The following KIAA1671 variants were observed in gnomAD, a reference collection of about 807,000 sequenced individuals.
KIAA1671 encodes uncharacterized protein KIAA1671.
KIAA1671 carries 52 observed loss-of-function variants against 131.2 expected under a neutral mutation model. The ratio of observed to expected loss-of-function variants is 0.40; its 90% confidence interval spans 0.32 to 0.50. The LOEUF (loss-of-function observed/expected upper bound fraction) is 0.50. Among genes scored for constraint, KIAA1671 ranks in the 20% least tolerant of loss-of-function variants. KIAA1671 has a pLI of 0.73. For missense variants in KIAA1671, 2,360 were observed against 2,364.2 expected, an observed-to-expected ratio of 1.00 and a Z score of 0.04; for synonymous variants, 1,003 against 961.6, an observed-to-expected ratio of 1.04 and a Z score of -0.80.
At chr22:25,081,378 C>T (rs1483853262) in intron 6 of KIAA1671, among the ~76,000 whole-genome samples, 1 of 152,190 alleles carries the variant, frequency 6.6e-6, no homozygotes, top group Non-Finnish European at 1.5e-5. Context: ...TGTCTCTGAT[C>T]TTGTGTCTCA....
intron 6 of KIAA1671, among the ~76,000 whole-genome samples, chr22:25,163,654 A>G (rs1428710889): frequency 6.6e-6 from 1 of 151,264 alleles, no homozygotes; most frequent in East Asian, 2.0e-4. Context: ...GTTGGCTGGG[A>G]TGGTCTCGAT....
intron 1 of KIAA1671, among the ~76,000 whole-genome samples, chr22:24,969,451 C>CAAA (rs368650335): frequency 6.7e-6 from 1 of 150,272 alleles, no homozygotes; most frequent in Non-Finnish European, 1.5e-5. Context: ...GGAATAATGA[C>CAAA]AAAAAAAAAC....
chr22:25,093,595 G>A (rs1930127782), intron 6 of KIAA1671, among the ~76,000 whole-genome samples: 1 of 151,808 alleles, frequency 6.6e-6, no homozygotes, highest in East Asian at 1.9e-4. Context: ...AACACTTGGT[G>A]GGGAGCGGGG....
chr22:25,072,207 T>A (rs1193619543), intron 6 of KIAA1671, among the ~76,000 whole-genome samples: 1 of 152,150 alleles, frequency 6.6e-6, no homozygotes, highest in Non-Finnish European at 1.5e-5. Context: ...CAGTAGAGGC[T>A]GGGCAGTAAT....
chr22:25,105,010 T>C (rs1930917076), intron 6 of KIAA1671, among the ~76,000 whole-genome samples: 1 of 151,622 alleles, frequency 6.6e-6, no homozygotes. Flanking sequence ...CTTCTTTCTC[T>C]TTCTTTCTTT....
intron 6 of KIAA1671, among the ~76,000 whole-genome samples, chr22:25,121,617 T>C (rs1931949070): frequency 6.6e-6 from 1 of 152,208 alleles, no homozygotes; most frequent in Admixed American, 6.5e-5. Context: ...AATTTGGTGG[T>C]ATAAATACTC....
chr22:25,046,579 A>T (rs1306645435), intron 5 of KIAA1671, among the ~76,000 whole-genome samples: 2 of 152,350 alleles, frequency 1.3e-5, no homozygotes, highest in African/African-American at 4.8e-5. Flanking sequence ...AAAAATACTT[A>T]AAAAACATTC....
At chr22:25,091,347 C>G (rs546237565) in intron 6 of KIAA1671, among the ~76,000 whole-genome samples, 3 of 152,114 alleles carry the variant, frequency 2.0e-5, no homozygotes, top group Non-Finnish European at 2.9e-5. Context: ...CATGAGCCAC[C>G]GTACCTGGCC....
chr22:25,004,801 C>T (rs1447806566), intron 1 of KIAA1671, among the ~76,000 whole-genome samples: 1 of 151,458 alleles, frequency 6.6e-6, no homozygotes. Flanking sequence ...AAAAAATTAG[C>T]CGGGCGTGGT....
chr22:25,188,659 A>G (rs897947674), intron 11 of KIAA1671, among the ~76,000 whole-genome samples: 1 of 152,170 alleles, frequency 6.6e-6, no homozygotes, highest in African/African-American at 2.4e-5. Flanking sequence ...TGTATGTTAT[A>G]TTTTATATAT....
intron 9 of KIAA1671, chr22:25,179,248 G>A: frequency 1.3e-6 from 2 of 1,526,384 alleles, no homozygotes. Context: ...AGAGGTGAAC[G>A]AAACAAAACC....
rs764725081 is a variant in KIAA1671, at chr22:24,984,123, G to GTT, written c.-208+31351_-208+31352insTT. Among the ~76,000 whole-genome samples the GTT allele has an allele frequency of 2.8e-3, 428 of 152,270 alleles. 1 individual carries two copies. Among genetic ancestry groups the GTT allele is most frequent in the Non-Finnish European group, 4.8e-3 (326 of 68,030 alleles). On this transcript the variant is annotated intron_variant, in intron 1 of 12. Transcript: ENST00000358431. ...AATGCCTCTCAGGGGCTTAAGCAGG[G>GTT]ACATTATGTGGTTGCATTCCCTTTT...
chr22:25,011,545 C>A (rs1267664271), intron 1 of KIAA1671: 1 of 152,176 alleles, frequency 6.6e-6, no homozygotes, highest in Non-Finnish European at 1.5e-5. Context: ...CCTCAGCCTC[C>A]CAAATTGCTG....
chr22:25,120,381 C>T (rs1024399991), intron 6 of KIAA1671, among the ~76,000 whole-genome samples: 16 of 152,234 alleles, frequency 1.1e-4, no homozygotes, highest in Non-Finnish European at 2.1e-4. Flanking sequence ...GGTCTCCTTT[C>T]ACCCTCCTGG....
chr22:24,978,640 A>C (rs368663378), intron 1 of KIAA1671, among the ~76,000 whole-genome samples: 6 of 152,060 alleles, frequency 3.9e-5, no homozygotes, highest in African/African-American at 1.4e-4. Flanking sequence ...CCACTTTTAA[A>C]AATTGTGAAA....
chr22:24,984,715 C>A (rs867905140), intron 1 of KIAA1671, among the ~76,000 whole-genome samples: 10 of 151,930 alleles, frequency 6.6e-5, no homozygotes, highest in African/African-American at 2.4e-4. Context: ...AGATTGAGAC[C>A]ATCCTGGTCA....
At chr22:25,030,874 G>T (rs1163530470) in intron 3 of KIAA1671, among the ~76,000 whole-genome samples, 1 of 152,170 alleles carries the variant, frequency 6.6e-6, no homozygotes, top group Non-Finnish European at 1.5e-5. Context: ...CTGCCCTCCC[G>T]GCCCTGGGAA....
intron 6 of KIAA1671, among the ~76,000 whole-genome samples, chr22:25,164,978 CGTGTGTGTGTGTGTGTGTGTGTGT>C (rs59765745): frequency 1.7e-5 from 2 of 116,584 alleles, no homozygotes; most frequent in African/African-American, 3.2e-5. Context: ...GAGTTGCAGG[CGTGTGTGTGTGTGTGTGTGTGTGT>C]GTGTGTGTGT....
chr22:25,191,642 G>A (rs1934675341), intron 12 of KIAA1671, among the ~76,000 whole-genome samples: 1 of 152,218 alleles, frequency 6.6e-6, no homozygotes, highest in Non-Finnish European at 1.5e-5. Context: ...ACACCACCGA[G>A]TTGTCCTCAG....
Sources: gnomAD v4.1 joint callset for allele counts (sites outside exome capture counted in the v4.1 genomes callset) on GRCh38, gnomAD v4.1.1 for gene constraint, MANE v1.5 for transcripts, NCBI Gene and HGNC (gene_info 2026-07-23, HGNC 2026-07-21) for gene names.